The following NRDC variants were observed in gnomAD, a reference collection of about 807,000 sequenced individuals.
NRDC encodes nardilysin.
A neutral mutation model predicts 147.1 loss-of-function variants in NRDC; 54 were observed. That is an observed-to-expected ratio of 0.37 (90% CI 0.29 to 0.46). The LOEUF (loss-of-function observed/expected upper bound fraction) is 0.46, where lower values mean the gene tolerates loss of function less well. Ranked by LOEUF, NRDC falls within the 20% of genes least tolerant of loss-of-function variation. The probability of loss-of-function intolerance (pLI) is 1.00; values close to 1 mark genes in which losing one functional copy is unlikely to be tolerated. For synonymous variants in NRDC, 440 were observed against 482.1 expected, an observed-to-expected ratio of 0.91 and a Z score of 1.14; for missense variants, 1,082 against 1,370.6, an observed-to-expected ratio of 0.79 and a Z score of 3.33.
At chr1:51,843,869 A>G (rs900693569) in intron 1 of NRDC, among the ~76,000 whole-genome samples, 6 of 143,372 alleles carry the variant, frequency 4.2e-5, no homozygotes, top group African/African-American at 1.6e-4. Context: ...GGTTGGGGGA[A>G]AAAAAAAAAA....
At chr1:51,872,662 C>A (rs1402275152) in intron 1 of NRDC, among the ~76,000 whole-genome samples, 1 of 152,144 alleles carries the variant, frequency 6.6e-6, no homozygotes, top group Non-Finnish European at 1.5e-5. Context: ...TGAGATCACA[C>A]CACTGCACTC....
At chr1:51,865,469 T>TA (rs1194114624) in intron 1 of NRDC, among the ~76,000 whole-genome samples, 3 of 152,156 alleles carry the variant, frequency 2.0e-5, no homozygotes, top group African/African-American at 7.2e-5. Flanking sequence ...CATGCCTGGC[T>TA]AATTTACTAT....
Position 51,878,320 on chromosome 1 carries a change from C to A in NRDC, c.296G>T (p.Gly99Val). 6 of 1,614,082 alleles carry A rather than the reference C, an allele frequency of 3.7e-6. No homozygotes were observed. Among genetic ancestry groups the A allele is most frequent in the Non-Finnish European group, 3.4e-6 (4 of 1,180,012 alleles). ...EGRRGSLSNAGDPEIVKSPSD... is the reference protein window; with the variant it reads ...EGRRGSLSNAVDPEIVKSPSD... ...GGGAGACTTGACGATCTCAGGGTCC[C>A]CAGCATTACTGAGAGACCCCCTCCG... Residue 99 changes from glycine to valine, a missense_variant, in exon 1 of 31, where the codon GGG (glycine) becomes GTG (valine). Physicochemically the swap from Gly to Val is moderately radical, Grantham distance 109 (BLOSUM62 -3). Transcript: ENST00000352171.
chr1:51,851,519 T>TGG (rs2149235332), intron 1 of NRDC, among the ~76,000 whole-genome samples: 1 of 151,302 alleles, frequency 6.6e-6, no homozygotes, highest in East Asian at 1.9e-4. Context: ...TCTGCAGAAT[T>TGG]GGGCCATTTT....
chr1:51,860,498 T>A (rs567395724), intron 1 of NRDC, among the ~76,000 whole-genome samples: 2 of 152,320 alleles, frequency 1.3e-5, no homozygotes, highest in Admixed American at 1.3e-4. Flanking sequence ...TTTCTCTTAC[T>A]CGACTCTCCC....
chr1:51,820,688 A>G (rs770269777), intron 8 of NRDC, among the ~76,000 whole-genome samples: 1 of 152,188 alleles, frequency 6.6e-6, no homozygotes, highest in Non-Finnish European at 1.5e-5. Flanking sequence ...ATAACCAATC[A>G]GTTGTCATTA....
chr1:51,810,141 A>G (rs545131312), intron 16 of NRDC, 140 bp downstream of exon 16: 14 of 521,660 alleles, frequency 2.7e-5, no homozygotes, highest in South Asian at 7.7e-5. Context: ...GTGCAGTAGT[A>G]TAAGTAATTT....
At chr1:51,835,958 C>T (rs554557206) in intron 3 of NRDC, among the ~76,000 whole-genome samples, 173 bp downstream of exon 3, 44 of 152,312 alleles carry the variant, frequency 2.9e-4, no homozygotes, top group Non-Finnish European at 4.4e-4. Context: ...AATATAAGTA[C>T]ACTCAGATTG....
At chr1:51,844,512 G>C (rs1681437021) in intron 1 of NRDC, among the ~76,000 whole-genome samples, 1 of 151,912 alleles carries the variant, frequency 6.6e-6, no homozygotes, top group Non-Finnish European at 1.5e-5. Flanking sequence ...TAGGGCCGAA[G>C]AGGACGGATC....
At chr1:51,862,155 T>C (rs1391027707) in intron 1 of NRDC, 1 of 152,244 alleles carries the variant, frequency 6.6e-6, no homozygotes, top group Non-Finnish European at 1.5e-5. Flanking sequence ...AAATCTGGCA[T>C]GGTTATTTTC....
intron 24 of NRDC, among the ~76,000 whole-genome samples, chr1:51,793,432 A>G (rs1317055509): frequency 6.6e-6 from 1 of 152,230 alleles, no homozygotes; most frequent in African/African-American, 2.4e-5. Flanking sequence ...CAGAGGCTCC[A>G]GAGAGAAGCA....
chr1:51,844,804 AG>A (rs1681458960), intron 1 of NRDC, among the ~76,000 whole-genome samples: 1 of 54,728 alleles, frequency 1.8e-5, no homozygotes, highest in African/African-American at 7.5e-5. Context: ...AGGAGGGGGG[AG>A]GGAGGGAGGA....
chr1:51,804,164 A>G (rs1339544191), intron 19 of NRDC, among the ~76,000 whole-genome samples, 200 bp from the exon 20 acceptor site: 1 of 152,208 alleles, frequency 6.6e-6, no homozygotes, highest in Non-Finnish European at 1.5e-5. Flanking sequence ...GTGTTTCCCA[A>G]TCTTTTTCAT....
chr1:51,863,013 GAAAA>G (rs562410956), intron 1 of NRDC, among the ~76,000 whole-genome samples: 1 of 32,052 alleles, frequency 3.1e-5, no homozygotes, highest in Non-Finnish European at 5.0e-5. Context: ...CTGTGTGGAG[GAAAA>G]AAAAAAAAAA....
chr1:51,839,318 C>T (rs1681149147), intron 2 of NRDC, among the ~76,000 whole-genome samples: 1 of 152,028 alleles, frequency 6.6e-6, no homozygotes, highest in African/African-American at 2.4e-5. Context: ...TGTGCCACCA[C>T]ACCCAGCTAA....
At chr1:51,840,607 C>A in intron 1 of NRDC, 93 bp from the exon 2 acceptor site, 1 of 895,308 alleles carries the variant, frequency 1.1e-6, no homozygotes, top group South Asian at 1.8e-5. Flanking sequence ...AAAAAAGAAT[C>A]CAAGTAAAAG....
intron 1 of NRDC, among the ~76,000 whole-genome samples, chr1:51,854,931 T>G (rs1553216886): frequency 2.0e-5 from 3 of 152,202 alleles, no homozygotes; most frequent in Non-Finnish European, 1.5e-5. Flanking sequence ...GGGACTGAAC[T>G]CTGACTCCCC....
At chr1:51,858,759 G>C (rs913938339) in intron 1 of NRDC, among the ~76,000 whole-genome samples, 2 of 152,128 alleles carry the variant, frequency 1.3e-5, no homozygotes, top group Non-Finnish European at 2.9e-5. Flanking sequence ...CAGTAGCTAA[G>C]TCAAATAAAC....
intron 14 of NRDC, among the ~76,000 whole-genome samples, chr1:51,812,778 G>A (rs1269031880): frequency 2.0e-5 from 3 of 152,074 alleles, no homozygotes; most frequent in Non-Finnish European, 4.4e-5. Flanking sequence ...CTATTTGTAA[G>A]CATGAATCAA....
Sources: gnomAD v4.1 joint callset for allele counts (sites outside exome capture counted in the v4.1 genomes callset) on GRCh38, gnomAD v4.1.1 for gene constraint, MANE v1.5 for transcripts, NCBI Gene and HGNC (gene_info 2026-07-23, HGNC 2026-07-21) for gene names.